CDIN1: variants seen among roughly 807,000 people sequenced by gnomAD.
The protein encoded by CDIN1 is CDAN1-interacting nuclease 1.
CDIN1 carries 33 observed loss-of-function variants against 45.3 expected under a neutral mutation model. That is an observed-to-expected ratio of 0.73 (90% confidence interval 0.55 to 0.97). The LOEUF is 0.97. Among genes scored for constraint, CDIN1 ranks in the 50% least tolerant of loss-of-function variants. CDIN1 has a pLI of 0.00. For synonymous variants in CDIN1, 118 were observed against 124.4 expected (o/e 0.95, Z 0.34); for missense variants, 303 against 339.4 (o/e 0.89, Z 0.84).
intron 5 of CDIN1, chr15:36,691,046 T>TTGTG (rs370806905): frequency 2.3e-6 from 1 of 428,402 alleles, no homozygotes; most frequent in South Asian, 1.8e-5. Flanking sequence ...GGTGGAAAAC[T>TTGTG]TGTGTGTGTG....
intron 5 of CDIN1, among the ~76,000 whole-genome samples, chr15:36,689,400 C>CACTT (rs1193695885): frequency 6.6e-6 from 1 of 152,056 alleles, no homozygotes; most frequent in Non-Finnish European, 1.5e-5. Flanking sequence ...TAGTCATGGC[C>CACTT]ACTTACATAT....
At chr15:36,600,629 A>C (rs2038050565) in intron 1 of CDIN1, among the ~76,000 whole-genome samples, 1 of 152,224 alleles carries the variant, frequency 6.6e-6, no homozygotes, top group African/African-American at 2.4e-5. Flanking sequence ...ATTATAAACG[A>C]GTAGACAGAG....
chr15:36,762,557 A>G (rs2053797327), intron 10 of CDIN1, among the ~76,000 whole-genome samples: 1 of 152,126 alleles, frequency 6.6e-6, no homozygotes, highest in African/African-American at 2.4e-5. Flanking sequence ...GGTTAGTTAC[A>G]TACGTATACA....
intron 8 of CDIN1, among the ~76,000 whole-genome samples, chr15:36,703,105 C>T (rs1442704549): frequency 1.3e-5 from 2 of 149,812 alleles, no homozygotes; most frequent in Non-Finnish European, 3.0e-5. Flanking sequence ...GTTGTCCCAG[C>T]TACTGGGGAG....
chr15:36,667,210 T>G (rs1453741420), intron 5 of CDIN1, among the ~76,000 whole-genome samples: 1 of 152,220 alleles, frequency 6.6e-6, no homozygotes, highest in African/African-American at 2.4e-5. Context: ...CTGGACAAAC[T>G]CATCAAATTC....
At chr15:36,644,754 G>T (rs898206303) in intron 2 of CDIN1, among the ~76,000 whole-genome samples, 7 of 152,136 alleles carry the variant, frequency 4.6e-5, no homozygotes, top group Admixed American at 6.5e-5. Flanking sequence ...CAAGTGGCAA[G>T]TCTCTATGGA....
In CDIN1 at chr15:36,751,229, T is replaced by TATATATATATATATATA. The variant is rs1555404178; in HGVS notation, c.716+41268_716+41269insATATATATATATATATA. On this transcript the variant is annotated intron_variant, in intron 10 of 10. Transcript: ENST00000566621. ...ATAAAAGCATATATATATGCTTATT[T>TATATATATATATATATA]TATATATATATATATATATATATAT... Among the ~76,000 whole-genome samples, 205 of 97,512 alleles carry TATATATATATATATATA rather than the reference T, an allele frequency of 2.1e-3. 6 individuals carry two copies. Among genetic ancestry groups the TATATATATATATATATA allele is most frequent in the East Asian group, 3.5e-3 (7 of 1,972 alleles). 64.0% of individuals were successfully genotyped at this position (97,512 alleles called of 152,430 possible). A position where few individuals can be genotyped will look rare whatever the true frequency, so the allele number is the denominator to read the frequency against.
At chr15:36,666,520 T>C (rs1445218768) in intron 5 of CDIN1, among the ~76,000 whole-genome samples, 1 of 152,242 alleles carries the variant, frequency 6.6e-6, no homozygotes, top group Non-Finnish European at 1.5e-5. Flanking sequence ...TTGGTTATAT[T>C]GTGCCTATTG....
At chr15:36,599,863 A>G (rs2038015174) in intron 1 of CDIN1, among the ~76,000 whole-genome samples, 1 of 152,164 alleles carries the variant, frequency 6.6e-6, no homozygotes, top group Admixed American at 6.5e-5. Flanking sequence ...TTCTAGAGGG[A>G]AAAGAATTTG....
At chr15:36,686,026 G>A (rs1242157766) in intron 5 of CDIN1, among the ~76,000 whole-genome samples, 1 of 151,590 alleles carries the variant, frequency 6.6e-6, no homozygotes, top group Non-Finnish European at 1.5e-5. Context: ...TCTAGAACTA[G>A]AAATACCATT....
At chr15:36,709,137 T>A in intron 8 of CDIN1, 86 bp from the exon 9 acceptor site, 1 of 1,133,460 alleles carries the variant, frequency 8.8e-7, no homozygotes, top group Non-Finnish European at 1.2e-6. Flanking sequence ...GTAATTTTTA[T>A]ACATATTTAA....
At chr15:36,676,398 T>A (rs1403880233) in intron 5 of CDIN1, among the ~76,000 whole-genome samples, 1 of 152,150 alleles carries the variant, frequency 6.6e-6, no homozygotes, top group Non-Finnish European at 1.5e-5. Context: ...GCAGACACCA[T>A]GATGTTGTAT....
At position 36,703,388 on chromosome 15, in the gene CDIN1, G is replaced by T. The variant is rs867021332; in HGVS notation, c.545-5835G>T. Among the ~76,000 whole-genome samples, 75 of 11,610 alleles carry T rather than the reference G, an allele frequency of 6.5e-3. 8 individuals are homozygous for T. The highest frequency in any genetic ancestry group is 0.019 in the Admixed American group (15 of 802). The allele number at this position is 11,610 out of a possible 152,430, so 7.6% of individuals were successfully genotyped here. A position where few individuals can be genotyped will look rare whatever the true frequency, so the allele number is the denominator to read the frequency against. ...AGATCTATCATATATATATATATCAGATATATATATATATGATATACATAT... is the reference window on the plus strand; with the variant it reads ...AGATCTATCATATATATATATATCATATATATATATATATGATATACATAT... On this transcript the variant is annotated intron_variant, in intron 8 of 10. Transcript: ENST00000566621.
intron 1 of CDIN1, among the ~76,000 whole-genome samples, chr15:36,600,027 A>G (rs917138854): frequency 2.0e-5 from 3 of 152,216 alleles, no homozygotes; most frequent in Non-Finnish European, 4.4e-5. Flanking sequence ...AGGTCATGCT[A>G]TGTTGGGCAT....
intron 9 of CDIN1, 132 bp from the exon 10 acceptor site, chr15:36,709,724 A>G: frequency 1.6e-6 from 1 of 625,236 alleles, no homozygotes. Flanking sequence ...TTGTTTTGTA[A>G]TTACATTTAT....
At chr15:36,625,883 T>A (rs1230074950) in intron 1 of CDIN1, among the ~76,000 whole-genome samples, 2 of 152,204 alleles carry the variant, frequency 1.3e-5, no homozygotes, top group Non-Finnish European at 2.9e-5. Flanking sequence ...TGTTGAAATG[T>A]TGTCATTTTC....
intron 1 of CDIN1, among the ~76,000 whole-genome samples, chr15:36,614,549 C>T (rs900737447): frequency 2.0e-5 from 3 of 152,106 alleles, no homozygotes; most frequent in Non-Finnish European, 1.5e-5. Flanking sequence ...ATTCCACAGC[C>T]CTGAAGCAGC....
chr15:36,731,607 A>C (rs760598670), intron 10 of CDIN1, among the ~76,000 whole-genome samples: 2 of 152,090 alleles, frequency 1.3e-5, no homozygotes, highest in Non-Finnish European at 2.9e-5. Context: ...TTTCATCAGC[A>C]TTTTCTAATC....
chr15:36,618,865 A>G (rs1233693043), intron 1 of CDIN1: 20 of 973,144 alleles, frequency 2.1e-5, no homozygotes, highest in Non-Finnish European at 3.0e-5. Context: ...CTACAAAGCC[A>G]TGGAGGGCAA....
Sources: allele counts gnomAD v4.1 joint callset (sites outside exome capture counted in the v4.1 genomes callset), GRCh38; gene constraint gnomAD v4.1.1; transcripts MANE v1.5; gene names NCBI Gene and HGNC (gene_info 2026-07-23, HGNC 2026-07-21).